AOPEP: variants seen among roughly 807,000 people sequenced by gnomAD.
The protein encoded by AOPEP is aminopeptidase O (putative).
Under a neutral mutation model 98.1 loss-of-function variants are expected in AOPEP, and 77 were observed. The ratio of observed to expected loss-of-function variants is 0.78; its 90% CI spans 0.65 to 0.95. The LOEUF is 0.95. AOPEP is among the 40% of genes least tolerant of loss of function. The pLI, the probability that AOPEP is intolerant of heterozygous loss-of-function variation, is 0.00. For synonymous variants in AOPEP, 346 were observed against 365.3 expected (o/e 0.95, Z 0.60); for missense variants, 1,024 against 1,024.7 (o/e 1.00, Z 0.01).
the AOPEP span, among the ~76,000 whole-genome samples, chr9:95,097,978 G>A: frequency 1.3e-5 from 2 of 152,142 alleles, no homozygotes; most frequent in Non-Finnish European, 2.9e-5. Context: ...TTTAGCACCC[G>A]AGCCCCCGGG....
At chr9:94,854,635 C>T (rs1194001864) in intron 5 of AOPEP, among the ~76,000 whole-genome samples, 1 of 152,218 alleles carries the variant, frequency 6.6e-6, no homozygotes, top group Non-Finnish European at 1.5e-5. Flanking sequence ...TTTAAAACGA[C>T]ATCCAAATGC....
At chr9:94,922,033 A>G in intron 5 of AOPEP, among the ~76,000 whole-genome samples, 2 of 152,112 alleles carry the variant, frequency 1.3e-5, no homozygotes, top group East Asian at 3.9e-4. Flanking sequence ...TCTCCAGAAC[A>G]TTGAAGGGTG....
the AOPEP span, chr9:95,114,554 C>T: frequency 7.6e-7 from 1 of 1,307,320 alleles, no homozygotes; most frequent in Non-Finnish European, 1.1e-6. Context: ...CTCTGTCAGC[C>T]CTGCTCAAAG....
intron 13 of AOPEP, among the ~76,000 whole-genome samples, chr9:95,017,865 T>C (rs1239301916): frequency 1.3e-5 from 2 of 152,264 alleles, no homozygotes; most frequent in Non-Finnish European, 2.9e-5. Context: ...TTACCTTTTC[T>C]AGAAATTTCA....
At chr9:94,731,791 T>A (rs958962121) in intron 1 of AOPEP, among the ~76,000 whole-genome samples, 1 of 103,378 alleles carries the variant, frequency 9.7e-6, no homozygotes, top group Non-Finnish European at 1.8e-5. Context: ...CTCTTTTGCC[T>A]TTTTTTTTTT....
chr9:94,965,474 A>T (rs1347974215), intron 9 of AOPEP, among the ~76,000 whole-genome samples: 1 of 152,234 alleles, frequency 6.6e-6, no homozygotes, highest in Non-Finnish European at 1.5e-5. Flanking sequence ...CAGCTTCACT[A>T]GTGTAGTGGT....
the AOPEP span, among the ~76,000 whole-genome samples, chr9:95,093,426 C>T: frequency 2.6e-5 from 4 of 152,154 alleles, no homozygotes; most frequent in Admixed American, 6.6e-5. Flanking sequence ...TCAGAGATGG[C>T]GCTGTCTCCT....
intron 5 of AOPEP, among the ~76,000 whole-genome samples, chr9:94,820,342 T>G (rs1852783869): frequency 6.6e-6 from 1 of 152,176 alleles, no homozygotes; most frequent in African/African-American, 2.4e-5. Context: ...ACCCCCTGTG[T>G]TCCTTCATGC....
chr9:94,910,857 T>C (rs2051929663), intron 5 of AOPEP, among the ~76,000 whole-genome samples: 2 of 152,300 alleles, frequency 1.3e-5, no homozygotes, highest in East Asian at 1.9e-4. Flanking sequence ...GGGTCACTTA[T>C]TGCATTTTAT....
At chr9:95,112,006 G>A in the AOPEP span, among the ~76,000 whole-genome samples, 4 of 152,344 alleles carry the variant, frequency 2.6e-5, no homozygotes, top group Admixed American at 2.6e-4. Flanking sequence ...GAAAGAGGTG[G>A]AGGGTAGGAC....
chr9:94,952,845 AT>A (rs2058200585), intron 7 of AOPEP, among the ~76,000 whole-genome samples: 1 of 152,212 alleles, frequency 6.6e-6, no homozygotes, highest in South Asian at 2.1e-4. Flanking sequence ...AGCAGGAAGA[AT>A]TTTCTTGAGC....
At chr9:95,143,860 G>A in the AOPEP span, among the ~76,000 whole-genome samples, 1 of 152,188 alleles carries the variant, frequency 6.6e-6, no homozygotes, top group Admixed American at 6.5e-5. Flanking sequence ...GACATGAAAA[G>A]TTGACATTTA....
intron 7 of AOPEP, among the ~76,000 whole-genome samples, chr9:94,944,894 G>A (rs777486858): frequency 1.1e-4 from 17 of 152,272 alleles, no homozygotes; most frequent in Non-Finnish European, 2.2e-4. Context: ...ACCACTATAT[G>A]TGAATTACAT....
At chr9:95,098,292 T>G in the AOPEP span, among the ~76,000 whole-genome samples, 48 of 152,104 alleles carry the variant, frequency 3.2e-4, no homozygotes, top group Non-Finnish European at 6.3e-4. Flanking sequence ...ACTTCTCCAC[T>G]TCAACAGAAA....
chr9:94,731,645 A>G (rs1261948956), intron 1 of AOPEP, among the ~76,000 whole-genome samples: 2 of 151,674 alleles, frequency 1.3e-5, no homozygotes, highest in Non-Finnish European at 2.9e-5. Context: ...TATGTGATAT[A>G]CTTTTAGAGC....
intron 9 of AOPEP, among the ~76,000 whole-genome samples, chr9:94,967,266 G>A (rs2059260307): frequency 6.6e-6 from 1 of 152,170 alleles, no homozygotes; most frequent in African/African-American, 2.4e-5. Flanking sequence ...GGGCTTGTGA[G>A]CCATGCTTGG....
intron 11 of AOPEP, among the ~76,000 whole-genome samples, chr9:94,991,418 G>A (rs551580036): frequency 8.5e-4 from 130 of 152,312 alleles, no homozygotes; most frequent in Middle Eastern, 3.4e-3. Flanking sequence ...AGTGCAGTGC[G>A]TCTTCTTCTT....
At chr9:94,865,226 C>T (rs1458369684) in intron 5 of AOPEP, among the ~76,000 whole-genome samples, 1 of 152,078 alleles carries the variant, frequency 6.6e-6, no homozygotes, top group African/African-American at 2.4e-5. Context: ...TCTGTGCTGA[C>T]GACATATTTA....
At chr9:94,759,001 T>C (rs1837665655) in intron 1 of AOPEP, among the ~76,000 whole-genome samples, 1 of 152,152 alleles carries the variant, frequency 6.6e-6, no homozygotes, top group African/African-American at 2.4e-5. Flanking sequence ...TTTCAGCTAT[T>C]AAGATGTAAT....
Sources: allele counts gnomAD v4.1 joint callset (sites outside exome capture counted in the v4.1 genomes callset), GRCh38; gene constraint gnomAD v4.1.1; transcripts MANE v1.5; gene names NCBI Gene and HGNC (gene_info 2026-07-23, HGNC 2026-07-21).